Variants in SRGAP1 observed in about 807,000 individuals in gnomAD.
The protein encoded by SRGAP1 is SLIT-ROBO Rho GTPase-activating protein 1.
A neutral mutation model predicts 121.9 loss-of-function variants in SRGAP1; 43 were observed. The observed-to-expected ratio is 0.35, with a 90% CI of 0.28 to 0.46. SRGAP1 has a LOEUF of 0.46. Among genes scored for constraint, SRGAP1 ranks in the 20% least tolerant of loss-of-function variants. The probability of loss-of-function intolerance (pLI) is 1.00; values close to 1 mark genes in which losing one functional copy is unlikely to be tolerated. For synonymous variants in SRGAP1, 447 were observed against 485.4 expected, an observed-to-expected ratio of 0.92 and a Z score of 1.04; for missense variants, 1,102 against 1,350.9, an observed-to-expected ratio of 0.82 and a Z score of 2.89.
intron 1 of SRGAP1, among the ~76,000 whole-genome samples, chr12:63,967,834 T>A: frequency 6.6e-6 from 1 of 152,210 alleles, no homozygotes; most frequent in Non-Finnish European, 1.5e-5. Flanking sequence ...GCAGAAGGGC[T>A]TTCCCCCAGT....
chr12:64,120,522 G>A (rs2036590363), intron 18 of SRGAP1: 1 of 152,182 alleles, frequency 6.6e-6, no homozygotes, highest in Non-Finnish European at 1.5e-5. Flanking sequence ...GAGGGCAGGG[G>A]AGATGGTTAC....
At chr12:63,849,980 C>T (rs898082648) in intron 1 of SRGAP1, among the ~76,000 whole-genome samples, 4 of 152,106 alleles carry the variant, frequency 2.6e-5, no homozygotes, top group African/African-American at 7.2e-5. Flanking sequence ...GCAAGGAAAC[C>T]GTCGTCTGTG....
intron 2 of SRGAP1, among the ~76,000 whole-genome samples, chr12:63,987,874 A>C (rs2136415217): frequency 1.3e-5 from 2 of 152,350 alleles, no homozygotes; most frequent in South Asian, 4.1e-4. Flanking sequence ...TATACAAGGC[A>C]TTATTATAAG....
intron 4 of SRGAP1, among the ~76,000 whole-genome samples, chr12:64,028,323 T>C (rs1159596207): frequency 6.6e-6 from 1 of 152,272 alleles, no homozygotes; most frequent in Non-Finnish European, 1.5e-5. Flanking sequence ...TGACCTTCTC[T>C]GTCACTGACT....
intron 4 of SRGAP1, among the ~76,000 whole-genome samples, chr12:64,018,092 T>C (rs2034452715): frequency 6.6e-6 from 1 of 152,140 alleles, no homozygotes; most frequent in South Asian, 2.1e-4. Context: ...AAGATTATTT[T>C]GTTTGTTGGT....
At chr12:63,951,660 G>C (rs929702142) in intron 1 of SRGAP1, among the ~76,000 whole-genome samples, 1 of 152,084 alleles carries the variant, frequency 6.6e-6, no homozygotes, top group Admixed American at 6.6e-5. Flanking sequence ...TAAAGAGAAG[G>C]CTTCTTCCAC....
chr12:63,851,398 G>A (rs556969956), intron 1 of SRGAP1, among the ~76,000 whole-genome samples: 1 of 152,018 alleles, frequency 6.6e-6, no homozygotes, highest in Non-Finnish European at 1.5e-5. Context: ...TTCGAGACCA[G>A]CCTGGTCAAC....
intron 18 of SRGAP1, among the ~76,000 whole-genome samples, chr12:64,123,278 T>C (rs2036631413): frequency 1.3e-5 from 2 of 152,174 alleles, no homozygotes; most frequent in Non-Finnish European, 2.9e-5. Flanking sequence ...GCCCAGGAGT[T>C]TGGGGTTACA....
At chr12:63,900,308 C>T (rs1381492884) in intron 1 of SRGAP1, among the ~76,000 whole-genome samples, 12 of 149,826 alleles carry the variant, frequency 8.0e-5, no homozygotes, top group Non-Finnish European at 1.0e-4. Context: ...CGGGTTCAAG[C>T]GATTCTCCTG....
intron 1 of SRGAP1, among the ~76,000 whole-genome samples, chr12:63,940,250 T>TG (rs2136349382): frequency 6.6e-6 from 1 of 151,986 alleles, no homozygotes; most frequent in East Asian, 1.9e-4. Flanking sequence ...GCGTGACCCA[T>TG]GGCACCTGGC....
chr12:63,878,850 T>C (rs1213869876), intron 1 of SRGAP1: 1 of 152,202 alleles, frequency 6.6e-6, no homozygotes, highest in Non-Finnish European at 1.5e-5. Context: ...AATTCTCACC[T>C]TGTTGGGTTG....
intron 1 of SRGAP1, among the ~76,000 whole-genome samples, chr12:63,977,562 T>C (rs1206441550): frequency 6.6e-6 from 1 of 152,218 alleles, no homozygotes; most frequent in Admixed American, 6.5e-5. Context: ...GAGTTAGGGC[T>C]TCCCTTTCTG....
Position 63,954,688 on chromosome 12 carries a change from A to AAAAAAAAAAAAAG in SRGAP1, c.68-29255_68-29254insAAAAAAAAGAAAA, listed in dbSNP as rs57230527. Among the ~76,000 whole-genome samples the AAAAAAAAAAAAAG allele has an allele frequency of 6.3e-3, 817 of 130,006 alleles. 26 individuals are homozygous for AAAAAAAAAAAAAG. Among genetic ancestry groups the AAAAAAAAAAAAAG allele is most frequent in the South Asian group, 8.4e-3 (34 of 4,026 alleles). The allele number at this position is 130,006 out of a possible 152,430, so 85.3% of individuals were successfully genotyped here. On this transcript the variant is annotated intron_variant, in intron 1 of 21. Coordinates refer to ENST00000355086, the MANE Select transcript of SRGAP1 (RefSeq NM_020762.4). ...GCGAGACTCCATCTCAAAAAAAAAA[A>AAAAAAAAAAAAAG]AAAAGAAAAGAAAAAGCAGTGTGAG...
At position 64,147,150 on chromosome 12, in the gene SRGAP1, A is replaced by G. The variant is rs2037065375; in HGVS notation, c.*4478A>G. The G allele has an allele frequency of 4.7e-6, 1 of 214,660 alleles. No individual in the cohort carries two copies. The highest frequency in any genetic ancestry group is 9.2e-6 in the Non-Finnish European group (1 of 109,236). The allele number at this position is 214,660 out of a possible 1,614,324, so 13.3% of individuals were successfully genotyped here. On this transcript the variant is annotated 3_prime_UTR_variant, in exon 22 of 22. Coordinates refer to ENST00000355086, the MANE Select transcript of SRGAP1 (RefSeq NM_020762.4). The stretch of plus-strand genomic sequence containing the variant: ...TAACAGGAGAGACTGCTGTTTACCT[A>G]CGTACTGAAGGGTAACTGCTGCCCG...
chr12:64,003,645 T>C (rs932500628), intron 3 of SRGAP1, among the ~76,000 whole-genome samples: 3 of 151,972 alleles, frequency 2.0e-5, no homozygotes, highest in Non-Finnish European at 4.4e-5. Flanking sequence ...TTACCTGGTC[T>C]GAACAACAGA....
At chr12:63,951,490 C>T (rs1003523593) in intron 1 of SRGAP1, among the ~76,000 whole-genome samples, 3 of 152,234 alleles carry the variant, frequency 2.0e-5, no homozygotes, top group African/African-American at 7.2e-5. Context: ...TTAACCACTG[C>T]CCTCACCTTG....
intron 1 of SRGAP1, among the ~76,000 whole-genome samples, chr12:63,923,280 A>G (rs558725480): frequency 1.3e-5 from 2 of 152,286 alleles, no homozygotes; most frequent in Admixed American, 1.3e-4. Flanking sequence ...CCAGCCTTAT[A>G]GATAGATTTT....
At position 64,088,588 on chromosome 12, in the gene SRGAP1, A is replaced by C. The variant is rs559260639; in HGVS notation, c.1436+1562A>C. Among the ~76,000 whole-genome samples, 6 of 152,300 alleles carry C rather than the reference A, an allele frequency of 3.9e-5. No homozygotes were observed. The East Asian group carries it at 9.7e-4, about 25-fold the overall frequency. On this transcript the variant is annotated intron_variant, in intron 11 of 21. Coordinates refer to ENST00000355086, the MANE Select transcript of SRGAP1 (RefSeq NM_020762.4). ...AATGAGTCACGCAATTGGAATGTTG[A>C]ACGTCCCTGGCTCTGTTCACTTGAT...
chr12:63,910,629 C>A (rs2030449571), intron 1 of SRGAP1, among the ~76,000 whole-genome samples: 1 of 152,066 alleles, frequency 6.6e-6, no homozygotes, highest in East Asian at 1.9e-4. Flanking sequence ...ATGCATGGAA[C>A]CTTACAGTAA....
Sources: allele counts gnomAD v4.1 joint callset (sites outside exome capture counted in the v4.1 genomes callset), GRCh38; gene constraint gnomAD v4.1.1; transcripts MANE v1.5; gene names NCBI Gene and HGNC (gene_info 2026-07-23, HGNC 2026-07-21).